The following MTERF4 variants were observed in gnomAD, a reference collection of about 807,000 sequenced individuals.
MTERF4 encodes the protein mitochondrial transcription termination factor 4.
Under a neutral mutation model 22.5 loss-of-function variants are expected in MTERF4, and 17 were observed. The observed-to-expected ratio is 0.75, with a 90% CI of 0.52 to 1.13. MTERF4 has a LOEUF of 1.13. Ranked by LOEUF, MTERF4 falls within the 50% of genes most tolerant of loss-of-function variation. The pLI, the probability that MTERF4 is intolerant of heterozygous loss-of-function variation, is 0.00. For missense variants in MTERF4, 420 were observed against 466.8 expected, an observed-to-expected ratio of 0.90 and a Z score of 0.92; for synonymous variants, 165 against 175.3, an observed-to-expected ratio of 0.94 and a Z score of 0.47.
the MTERF4 span, chr2:241,052,605 G>A: frequency 2.8e-6 from 2 of 704,178 alleles, no homozygotes; most frequent in Admixed American, 4.0e-5. Flanking sequence ...CAGGATATAT[G>A]GGATACCAGT....
the MTERF4 span, chr2:241,048,878 A>G: frequency 6.8e-6 from 8 of 1,184,324 alleles, no homozygotes; most frequent in Admixed American, 2.0e-5. Context: ...CATTGGTTCT[A>G]CCCCCACCCA....
the MTERF4 span, among the ~76,000 whole-genome samples, chr2:241,044,688 G>A: frequency 1.2e-4 from 19 of 152,296 alleles, 1 homozygote; most frequent in Middle Eastern, 0.01. Context: ...TGCAGAAGTT[G>A]GGGAATCCTC....
chr2:241,101,326 A>G, intron 1 of MTERF4: 1 of 337,664 alleles, frequency 3.0e-6, no homozygotes, highest in South Asian at 2.3e-5. Context: ...TTCGCGCTCC[A>G]GTGAGAATCT....
the MTERF4 span, among the ~76,000 whole-genome samples, chr2:241,057,380 A>AATATATATATATATATATATAT: frequency 5.7e-4 from 67 of 118,082 alleles, no homozygotes; most frequent in East Asian, 2.9e-3. Context: ...TCCATCTCAA[A>AATATATATATATATATATATAT]ATATATATAT....
At chr2:241,052,678 TGAGAGGGTCGGCGGGGGGGGGGGGGGTC>T in the MTERF4 span, among the ~76,000 whole-genome samples, 2 of 13,824 alleles carry the variant, frequency 1.4e-4, no homozygotes, top group African/African-American at 4.3e-4. Flanking sequence ...GCCAGGCAGG[TGAGAGGGTCGGCGGGGGGGGGGGGGGTC>T]AAGCAGGGTA....
chr2:241,073,036 G>A lies in MTERF4; in HGVS notation n.3126C>T. Reference sequence around the variant, plus strand: ...CTGTCCCTGAAGCAGCTCTGAGGGGGCCCTGCAAGGGGAAGGCCGAGCCCC... The same window carrying A: ...CTGTCCCTGAAGCAGCTCTGAGGGGACCCTGCAAGGGGAAGGCCGAGCCCC... On this transcript the variant is annotated non_coding_transcript_exon_variant, in exon 5 of 5. Coordinates refer to the MTERF4 transcript ENST00000464344. The surrounding 1 kb of genome is among the most constrained non-coding windows in gnomAD (Gnocchi z 6.6). The A allele has an allele frequency of 1.9e-6, 1 of 534,212 alleles. No individual in the cohort carries two copies. Among genetic ancestry groups the A allele is most frequent in the Non-Finnish European group, 3.3e-6 (1 of 300,338 alleles). 33.1% of individuals were successfully genotyped at this position (534,212 alleles called of 1,614,324 possible).
the MTERF4 span, among the ~76,000 whole-genome samples, chr2:241,058,613 A>T: frequency 6.6e-6 from 1 of 152,226 alleles, no homozygotes; most frequent in African/African-American, 2.4e-5. Context: ...AAAGACAGAT[A>T]CAGAGAAAGA....
downstream of MTERF4, chr2:241,092,111 G>A (rs2064058602): frequency 6.6e-6 from 1 of 152,342 alleles, no homozygotes; most frequent in Admixed American, 6.5e-5. This position sits in a 1 kb window ranked among gnomAD's most constrained non-coding sequence, Gnocchi z 4.6. Flanking sequence ...GACGGGGGCA[G>A]GGGCTGAAGG....
chr2:241,085,174 T>G (rs1392317511), downstream of MTERF4, among the ~76,000 whole-genome samples: 2 of 152,224 alleles, frequency 1.3e-5, no homozygotes, highest in African/African-American at 4.8e-5. Context: ...CGTAAAATTT[T>G]TGCCATTATT....
Position 241,097,245 on chromosome 2 carries a change from G to A in MTERF4, c.703C>T (p.Gln235Ter), listed in dbSNP as rs1045451304. ...ATCACGCTATCAGTCATTCTCACCT[G>A]AAACTTGTATTCCAGTTGACCCAGG... is the stretch of plus-strand genomic sequence containing the variant. ...EDLGQLEYKF[Q>*]YAYFRMGIKH... Residue 235 changes from glutamine to a stop codon, truncating the protein, a stop_gained and splice_region_variant, in exon 3 of 4, where the codon CAG becomes TAG. Transcript: ENST00000391980. LOFTEE classifies it low-confidence loss of function (END_TRUNC). 6.2e-7 allele frequency: 1 copy of A among 1,613,728 alleles called. No individual in the cohort carries two copies. The highest frequency in any genetic ancestry group is 8.5e-7 in the Non-Finnish European group (1 of 1,179,830).
downstream of MTERF4, chr2:241,092,272 A>G (rs1245647731): frequency 6.6e-6 from 1 of 152,162 alleles, no homozygotes; most frequent in African/African-American, 2.4e-5. The surrounding 1 kb of genome is among the most constrained non-coding windows in gnomAD (Gnocchi z 4.6). Flanking sequence ...TTTTTTAGAC[A>G]ACGGCGCGAC....
chr2:241,089,842 G>GA, downstream of MTERF4: 2 of 1,381,130 alleles, frequency 1.4e-6, no homozygotes, highest in Non-Finnish European at 1.9e-6. Context: ...CTGTGTGGCA[G>GA]AGCCCATGCT....
At chr2:241,045,807 G>T in the MTERF4 span, among the ~76,000 whole-genome samples, 1 of 151,616 alleles carries the variant, frequency 6.6e-6, no homozygotes, top group South Asian at 2.1e-4. Context: ...AGATAAATTA[G>T]ACTTCATCAA....
At chr2:241,065,264 A>G in the MTERF4 span, 2 of 1,609,218 alleles carry the variant, frequency 1.2e-6, no homozygotes, top group African/African-American at 1.3e-5. Flanking sequence ...ACGGCTGACC[A>G]GTCCCCTCCC....
At chr2:241,077,028 G>A (rs2063057814) in intron 4 of MTERF4, among the ~76,000 whole-genome samples, 1 of 151,438 alleles carries the variant, frequency 6.6e-6, no homozygotes, top group South Asian at 2.1e-4. Context: ...GCAGTGAGCT[G>A]AGATTGCGCC....
the MTERF4 span, chr2:241,048,334 C>A: frequency 1.2e-6 from 2 of 1,608,170 alleles, no homozygotes; most frequent in East Asian, 2.2e-5. Flanking sequence ...CAGTGCCAGA[C>A]GCCTGCCTCT....
downstream of MTERF4, chr2:241,087,285 T>C: frequency 1.0e-6 from 1 of 980,196 alleles, no homozygotes; most frequent in Non-Finnish European, 1.5e-6. Context: ...TAGCAGTTTT[T>C]CCCTCAAACA....
Position 241,099,519 on chromosome 2 carries a change from G to A in MTERF4, c.397C>T (p.Leu133Phe). 1 of 1,614,166 alleles carries A rather than the reference G, an allele frequency of 6.2e-7. No homozygotes were observed. Among genetic ancestry groups the A allele is most frequent in the South Asian group, 1.1e-5 (1 of 91,080 alleles). Residue 133 changes from leucine to phenylalanine, a missense_variant, in exon 2 of 4, where the codon CTC (leucine) becomes TTC (phenylalanine). Coordinates refer to ENST00000391980, the MANE Select transcript of MTERF4 (RefSeq NM_182501.4). ...QLLDIISEFILLGLNPEPVCV... is the reference protein window; with the variant it reads ...QLLDIISEFIFLGLNPEPVCV... ...ACAGGCTCTGGATTCAGACCCAAGA[G>A]AATAAATTCTGAAATGATGTCCAGC...
chr2:241,051,890 AG>A, the MTERF4 span: 1 of 1,510,552 alleles, frequency 6.6e-7, no homozygotes, highest in Non-Finnish European at 8.9e-7. The surrounding 1 kb of genome is among the most constrained non-coding windows in gnomAD (Gnocchi z 4.7). Context: ...GGGGGAGGGC[AG>A]GAACGACGGG....
Sources: gnomAD v4.1 joint callset for allele counts (sites outside exome capture counted in the v4.1 genomes callset) on GRCh38, gnomAD v4.1.1 for gene constraint, Gnocchi (gnomAD v3.1) non-coding constraint, MANE v1.5 for transcripts, NCBI Gene and HGNC (gene_info 2026-07-23, HGNC 2026-07-21) for gene names.